Variants in GTF2A1 observed in about 807,000 individuals in gnomAD.
GTF2A1 encodes general transcription factor IIA subunit 1, also known as transcription initiation factor IIA subunit 1.
GTF2A1 carries 12 observed loss-of-function variants against 54.1 expected under a neutral mutation model. The observed-to-expected ratio is 0.22, with a 90% CI of 0.14 to 0.36. GTF2A1 has a LOEUF of 0.36. Ranked by LOEUF, GTF2A1 falls within the 10% of genes least tolerant of loss-of-function variation. The pLI, the probability that GTF2A1 is intolerant of heterozygous loss-of-function variation, is 1.00. For synonymous variants in GTF2A1, 145 were observed against 152.0 expected, an observed-to-expected ratio of 0.95 and a Z score of 0.34; for missense variants, 335 against 442.2, an observed-to-expected ratio of 0.76 and a Z score of 2.17.
At chr14:81,211,875 TTATATATATATATATATATA>T (rs757044041) in intron 2 of GTF2A1, among the ~76,000 whole-genome samples, 8 of 68,488 alleles carry the variant, frequency 1.2e-4, no homozygotes, top group African/African-American at 4.0e-4. Flanking sequence ...ATCAAGTACT[TTATATATATATATATATATA>T]TATATATATA....
Position 81,204,115 on chromosome 14 carries a change from G to T in GTF2A1, c.133-11C>A. On this transcript the variant is annotated splice_polypyrimidine_tract_variant and intron_variant, in intron 2 of 8. Transcript: ENST00000553612. ...TTTGTTTTCCCATAACTAAGGCAAA[G>T]AACATTAAAGATTTCTAAGTGAAAA... The T allele has an allele frequency of 2.6e-6, 4 of 1,551,798 alleles. No individual in the cohort carries two copies. The highest frequency in any genetic ancestry group is 3.6e-6 in the Non-Finnish European group (4 of 1,123,484).
Position 81,220,510 on chromosome 14 carries a change from G to A in GTF2A1, c.9C>T (p.Asn3=), listed in dbSNP as rs762270550. Residue 3 remains asparagine, a synonymous_variant, in exon 1 of 9, where the codon AAC becomes AAT. Transcript: ENST00000553612. ...TTACCACGGTGTTTGTATTTGCCGA[G>A]TTCGCCATTTCCACACACAACACAA... is the stretch of plus-strand genomic sequence containing the variant. MA[N]SANTNTVPKL... 4.6e-5 allele frequency: 73 copies of A among 1,578,582 alleles called. No homozygotes were observed. Among genetic ancestry groups the A allele is most frequent in the Non-Finnish European group, 6.2e-5 (72 of 1,161,958 alleles).
intron 1 of GTF2A1, 25 bp downstream of exon 1, chr14:81,220,464 G>A (rs1290998910): frequency 2.6e-6 from 4 of 1,534,208 alleles, no homozygotes; most frequent in East Asian, 2.5e-5. Flanking sequence ...CGAAGCCCCC[G>A]CCGGCCACCG....
intron 7 of GTF2A1, 80 bp downstream of exon 7, chr14:81,192,439 G>A: frequency 9.6e-7 from 1 of 1,037,066 alleles, no homozygotes; most frequent in Non-Finnish European, 1.4e-6. Flanking sequence ...AAAAAAACAG[G>A]ATATAATTTA....
At chr14:81,212,223 A>G (rs1449663294) in intron 2 of GTF2A1, among the ~76,000 whole-genome samples, 1 of 152,180 alleles carries the variant, frequency 6.6e-6, no homozygotes, top group African/African-American at 2.4e-5. Flanking sequence ...AAAATGTTTT[A>G]TATCTCCCAC....
Position 81,204,017 on chromosome 14 carries a change from G to A in GTF2A1, c.220C>T (p.His74Tyr). 6.2e-7 allele frequency: 1 copy of A among 1,613,688 alleles called. No individual in the cohort carries two copies. Among genetic ancestry groups the A allele is most frequent in the East Asian group, 2.2e-5 (1 of 44,878 alleles). The change falls in exon 3 of 9, where the codon CAT (histidine) becomes TAT (tyrosine). Residue 74 changes from histidine (H) to tyrosine (Y), a missense_variant. By Grantham distance (83) the His-to-Tyr change is moderately conservative. Coordinates refer to ENST00000553612, the MANE Select transcript of GTF2A1 (RefSeq NM_015859.4). ...TGATGCTGCTGCTGCTGGGGTTGAT[G>A]CTGCTGTTGAACTTGCAGTAGAAGC... ...QQLLLQVQQQ[H>Y]QPQQQQHHHH...
At chr14:81,186,882 T>C (rs934324342) in intron 7 of GTF2A1, among the ~76,000 whole-genome samples, 4 of 151,952 alleles carry the variant, frequency 2.6e-5, no homozygotes, top group Non-Finnish European at 5.9e-5. Context: ...ACCCAGGTGG[T>C]TGAAGCTATG....
intron 1 of GTF2A1, 125 bp from the exon 2 acceptor site, chr14:81,216,639 C>T (rs79358419): frequency 1.9e-5 from 10 of 527,168 alleles, no homozygotes; most frequent in African/African-American, 7.8e-5. Flanking sequence ...TTTAAAGATA[C>T]GACCACCATC....
chr14:81,183,745 C>T (rs1892684193), intron 8 of GTF2A1, among the ~76,000 whole-genome samples: 1 of 152,164 alleles, frequency 6.6e-6, no homozygotes, highest in Admixed American at 6.5e-5. Flanking sequence ...AAGAACTCTA[C>T]CATATTATTA....
intron 8 of GTF2A1, among the ~76,000 whole-genome samples, chr14:81,183,373 G>C (rs938844061): frequency 6.6e-6 from 1 of 152,192 alleles, no homozygotes; most frequent in Non-Finnish European, 1.5e-5. Flanking sequence ...AAAGTGATGA[G>C]TAGCCAGGAA....
At position 81,197,954 on chromosome 14, in the gene GTF2A1, A is replaced by G. The variant is rs539304728; in HGVS notation, c.403-470T>C. Among the ~76,000 whole-genome samples, 19 of 152,312 alleles carry G rather than the reference A, an allele frequency of 1.2e-4. No individual in the cohort carries two copies. The South Asian group carries it at 3.5e-3, about 28-fold the overall frequency. ...ATAAAAGTATAATTATCTACTTTTTAGAATTCTTAACTTTTAAAATTTCTA... is the reference window on the plus strand; with the variant it reads ...ATAAAAGTATAATTATCTACTTTTTGGAATTCTTAACTTTTAAAATTTCTA... On this transcript the variant is annotated intron_variant, in intron 4 of 8. Transcript: ENST00000553612.
chr14:81,220,147 C>A (rs561565281), intron 1 of GTF2A1, among the ~76,000 whole-genome samples: 2 of 151,044 alleles, frequency 1.3e-5, no homozygotes, highest in African/African-American at 4.8e-5. Flanking sequence ...CGGGGGGAAG[C>A]GGCGGCTCCC....
At chr14:81,197,846 A>G (rs1296689072) in intron 4 of GTF2A1, among the ~76,000 whole-genome samples, 1 of 152,172 alleles carries the variant, frequency 6.6e-6, no homozygotes, top group Non-Finnish European at 1.5e-5. Flanking sequence ...CAATACCCAC[A>G]TTAACAATGC....
intron 3 of GTF2A1, chr14:81,202,640 C>G: frequency 1.9e-6 from 1 of 513,188 alleles, no homozygotes; most frequent in Non-Finnish European, 3.9e-6. Flanking sequence ...CGGCAAAAGT[C>G]GGAAAAAATA....
At chr14:81,215,712 G>A (rs1348953467) in intron 2 of GTF2A1, among the ~76,000 whole-genome samples, 3 of 152,108 alleles carry the variant, frequency 2.0e-5, no homozygotes, top group Non-Finnish European at 4.4e-5. Flanking sequence ...ACACACTTTA[G>A]AATACAGGTA....
rs550866855 is a variant in GTF2A1 at position 81,207,046 on chromosome 14, C to T, written c.133-2942G>A. Among the ~76,000 whole-genome samples the T allele has an allele frequency of 1.7e-3, 261 of 152,170 alleles. 2 individuals are homozygous for T. Among genetic ancestry groups the T allele is most frequent in the African/African-American group, 6.1e-3 (252 of 41,506 alleles). The stretch of plus-strand genomic sequence containing the variant: ...ACACTGTTCTACACTGTTATCAAGG[C>T]GAATTTTTTTAAATTTATAAATATG... On this transcript the variant is annotated intron_variant, in intron 2 of 8. Transcript: ENST00000553612.
chr14:81,214,135 G>A (rs927629202), intron 2 of GTF2A1, among the ~76,000 whole-genome samples: 2 of 152,016 alleles, frequency 1.3e-5, no homozygotes, highest in Non-Finnish European at 2.9e-5. Context: ...TAATAAATAC[G>A]CCAAGACCTA....
intron 1 of GTF2A1, among the ~76,000 whole-genome samples, chr14:81,219,473 T>A (rs1893561916): frequency 6.6e-6 from 1 of 152,100 alleles, no homozygotes; most frequent in African/African-American, 2.4e-5. Context: ...TGGCTCTATA[T>A]AAACAGGGCA....
Position 81,193,439 on chromosome 14 carries a change from G to A in GTF2A1, c.613-600C>T, listed in dbSNP as rs567415059. Among the ~76,000 whole-genome samples the A allele has an allele frequency of 2.6e-5, 4 of 152,186 alleles. No homozygotes were observed. In the South Asian group the frequency reaches 6.2e-4, roughly 24 times the overall value. On this transcript the variant is annotated intron_variant, in intron 6 of 8. Transcript: ENST00000553612. Reference sequence around the variant, plus strand: ...CTCCCAAAGTGCTGGGATTACAGGCGTGAGCCACAACGCCTGGCCAACCTG... The same window carrying A: ...CTCCCAAAGTGCTGGGATTACAGGCATGAGCCACAACGCCTGGCCAACCTG...
Sources: allele counts gnomAD v4.1 joint callset (sites outside exome capture counted in the v4.1 genomes callset), GRCh38; gene constraint gnomAD v4.1.1; transcripts MANE v1.5; gene names NCBI Gene and HGNC (gene_info 2026-07-23, HGNC 2026-07-21).